The following SCN11A variants were observed in gnomAD, a reference collection of about 807,000 sequenced individuals.
SCN11A encodes sodium voltage-gated channel alpha subunit 11.
SCN11A carries 122 observed loss-of-function variants against 162.2 expected under a neutral mutation model. The ratio of observed to expected loss-of-function variants is 0.75; its 90% CI spans 0.65 to 0.87. SCN11A has a LOEUF of 0.87. Ranked by LOEUF, SCN11A falls within the 40% of genes least tolerant of loss-of-function variation. The pLI, the probability that SCN11A is intolerant of heterozygous loss-of-function variation, is 0.00. For missense variants in SCN11A, 2,015 were observed against 2,181.6 expected, an observed-to-expected ratio of 0.92 and a Z score of 1.52; for synonymous variants, 758 against 751.5, an observed-to-expected ratio of 1.01 and a Z score of -0.14.
rs760141393 is a variant in SCN11A at position 38,900,044 on chromosome 3, C to A, written c.1872G>T (p.Met624Ile). Residue 624 changes from methionine to isoleucine, a missense_variant, in exon 17 of 30, where the codon ATG (methionine) becomes ATT (isoleucine). By Grantham distance (10) the Met-to-Ile change is conservative. Coordinates refer to ENST00000302328, the MANE Select transcript of SCN11A (RefSeq NM_001349253.2). ...LVFTSIFIAE[M>I]CLKIIALDPY... ...GATCGAGCGCAATGATTTTTAGGCA[C>A]ATTTCTGCTATAAAAATGCTAGTGA... 6 of 1,614,008 alleles carry A rather than the reference C, an allele frequency of 3.7e-6. No homozygotes were observed. The Admixed American group carries it at 6.7e-5, about 18-fold the overall frequency.
intron 19 of SCN11A, among the ~76,000 whole-genome samples, chr3:38,890,377 G>A (rs1031629884): frequency 6.6e-6 from 1 of 152,236 alleles, no homozygotes; most frequent in African/African-American, 2.4e-5. Flanking sequence ...GGAAGTATAA[G>A]TCTAAGAGTG....
intron 18 of SCN11A, among the ~76,000 whole-genome samples, chr3:38,896,540 C>T (rs916331531): frequency 1.3e-5 from 2 of 152,100 alleles, no homozygotes; most frequent in African/African-American, 4.8e-5. Context: ...ATCCTATTGA[C>T]CAAATTAACT....
intron 3 of SCN11A, among the ~76,000 whole-genome samples, chr3:38,959,039 C>T (rs993412824): frequency 6.6e-6 from 1 of 152,100 alleles, no homozygotes; most frequent in Non-Finnish European, 1.5e-5. Context: ...TTTATCCTAA[C>T]CAGTAAGGGA....
chr3:39,030,742 A>C (rs1356356193), intron 2 of SCN11A, among the ~76,000 whole-genome samples: 2 of 152,148 alleles, frequency 1.3e-5, no homozygotes, highest in Non-Finnish European at 2.9e-5. Context: ...ACACACACAA[A>C]GCACATTTGT....
Position 38,908,136 on chromosome 3 carries a change from A to T in SCN11A, c.1300-14T>A. On this transcript the variant is annotated splice_polypyrimidine_tract_variant and intron_variant, in intron 13 of 29. Coordinates refer to ENST00000302328, the MANE Select transcript of SCN11A (RefSeq NM_001349253.2). ...GGCAACCAGAGCCTTCAAATTGAAC[A>T]AAAGCAATTAAAGAACAGATTACAC... The T allele has an allele frequency of 6.2e-7, 1 of 1,605,474 alleles. No homozygotes were observed. The highest frequency in any genetic ancestry group is 1.1e-5 in the South Asian group (1 of 88,906).
intron 2 of SCN11A, among the ~76,000 whole-genome samples, chr3:39,009,636 T>C (rs1023840942): frequency 1.4e-5 from 2 of 145,344 alleles, no homozygotes; most frequent in East Asian, 2.0e-4. Context: ...GCATACTAGA[T>C]GGCTCAGCTG....
intron 28 of SCN11A, among the ~76,000 whole-genome samples, chr3:38,862,366 G>C (rs1246003678): frequency 1.3e-5 from 2 of 152,120 alleles, no homozygotes; most frequent in African/African-American, 4.8e-5. Context: ...ACTACTATTG[G>C]ATTCAGCAAT....
chr3:38,847,232 T>C lies in SCN11A; in HGVS notation c.4838A>G (p.Glu1613Gly). The change falls in exon 30 of 30, where the codon GAA (glutamate) becomes GGA (glycine). Residue 1613 changes from glutamate (E) to glycine (G), a missense_variant. Coordinates refer to ENST00000302328, the MANE Select transcript of SCN11A (RefSeq NM_001349253.2). Reference protein sequence around the residue: ...ILENFNTATEESEDPLGEDDF... With the variant: ...ILENFNTATEGSEDPLGEDDF... ...ATCTTCACCCAAAGGGTCCTCACTT[T>C]CTTCAGTGGCTGTATTGAAGTTCTC... 1 of 1,614,092 alleles carries C rather than the reference T, an allele frequency of 6.2e-7. No individual in the cohort carries two copies. The highest frequency in any genetic ancestry group is 8.5e-7 in the Non-Finnish European group (1 of 1,179,958).
At chr3:39,006,576 G>GA (rs778434308) in intron 2 of SCN11A, among the ~76,000 whole-genome samples, 109 of 145,318 alleles carry the variant, frequency 7.5e-4, no homozygotes, top group East Asian at 5.4e-3. Flanking sequence ...CTGAAAGAAG[G>GA]AAAAAAAAAA....
intron 2 of SCN11A, among the ~76,000 whole-genome samples, chr3:39,030,666 C>A (rs1005480016): frequency 2.6e-5 from 4 of 152,160 alleles, no homozygotes; most frequent in Non-Finnish European, 5.9e-5. Flanking sequence ...ATCCAGCGCA[C>A]GTTTTTAGAC....
intron 16 of SCN11A, among the ~76,000 whole-genome samples, chr3:38,903,443 C>T (rs2065736072): frequency 6.6e-6 from 1 of 152,166 alleles, no homozygotes. Context: ...AGCTGACAGG[C>T]CCTGATTCAT....
At chr3:38,868,003 T>C (rs536616088) in intron 26 of SCN11A, among the ~76,000 whole-genome samples, 1 of 152,312 alleles carries the variant, frequency 6.6e-6, no homozygotes, top group East Asian at 1.9e-4. Flanking sequence ...ACACATGGAA[T>C]AAATATCTAA....
At position 38,886,744 on chromosome 3, in the gene SCN11A, TC is replaced by T. The variant is rs202000178; in HGVS notation, c.2836-507del. Reference sequence around the variant, plus strand: ...GCTATCATGTGGGGTACAGAGAGTTTCCTTAGCAAAACAGGAAACTAAAAGA... The same window carrying T: ...GCTATCATGTGGGGTACAGAGAGTTTCTTAGCAAAACAGGAAACTAAAAGA... On this transcript the variant is annotated intron_variant, in intron 19 of 29. Coordinates refer to ENST00000302328, the MANE Select transcript of SCN11A (RefSeq NM_001349253.2). Among the ~76,000 whole-genome samples the T allele has an allele frequency of 6.4e-3, 974 of 151,942 alleles. 14 individuals are homozygous for T. Among genetic ancestry groups the T allele is most frequent in the African/African-American group, 0.023 (947 of 41,302 alleles).
Position 38,910,167 on chromosome 3 carries a change from T to C in SCN11A, c.1000A>G (p.Asn334Asp). 6.2e-7 allele frequency: 1 copy of C among 1,613,584 alleles called. No individual in the cohort carries two copies. The highest frequency in any genetic ancestry group is 8.5e-7 in the Non-Finnish European group (1 of 1,179,620). The part of the protein sequence containing the change: ...IQYECKHTKI[N>D]PDYNYTNFDN... ...AAATTCGTATAATTATAGTCAGGAT[T>C]AATTTTGGTGTGCTTACATTCATAT... Residue 334 changes from asparagine (N) to aspartate (D), a missense_variant, in exon 12 of 30, where the codon AAT becomes GAT. Asn to Asp is a conservative substitution (Grantham distance 23). Coordinates refer to ENST00000302328, the MANE Select transcript of SCN11A (RefSeq NM_001349253.2).
chr3:38,856,298 C>G (rs541628422), intron 28 of SCN11A, among the ~76,000 whole-genome samples: 6 of 152,336 alleles, frequency 3.9e-5, no homozygotes, highest in Admixed American at 3.3e-4. Context: ...GACAGCCTGT[C>G]TGGAACAATC....
chr3:38,987,301 TCTCACA>T (rs1192598953), intron 2 of SCN11A, among the ~76,000 whole-genome samples: 2,892 of 113,324 alleles, frequency 0.026, 74 homozygotes, highest in African/African-American at 0.097. Flanking sequence ...TCTCTCTCTC[TCTCACA>T]CACACACACA....
At chr3:38,971,194 G>A (rs1415461528) in intron 2 of SCN11A, among the ~76,000 whole-genome samples, 1 of 150,580 alleles carries the variant, frequency 6.6e-6, no homozygotes, top group Non-Finnish European at 1.5e-5. Context: ...TCTGTCTGCC[G>A]CCCAGGTTGG....
In SCN11A at chr3:38,930,557, A is replaced by AT. The variant is rs565724086; in HGVS notation, c.489-3627dup. On this transcript the variant is annotated intron_variant, in intron 7 of 29. Transcript: ENST00000302328. The stretch of plus-strand genomic sequence containing the variant: ...AAATCTGCAATTGCAGATTTGTGGG[A>AT]TTTTTCAAGTCTTCATACAGATCTT... Among the ~76,000 whole-genome samples, 570 of 152,210 alleles carry AT rather than the reference A, an allele frequency of 3.7e-3. 1 individual carries two copies. The highest frequency in any genetic ancestry group is 4.7e-3 in the Non-Finnish European group (320 of 67,990).
At chr3:38,879,604 A>G (rs1047195794) in intron 23 of SCN11A, among the ~76,000 whole-genome samples, 3 of 152,200 alleles carry the variant, frequency 2.0e-5, no homozygotes, top group African/African-American at 4.8e-5. Context: ...AGTCTTGAAA[A>G]GAAATAGAAA....
Sources: allele counts gnomAD v4.1 joint callset (sites outside exome capture counted in the v4.1 genomes callset), GRCh38; gene constraint gnomAD v4.1.1; transcripts MANE v1.5; gene names NCBI Gene and HGNC (gene_info 2026-07-23, HGNC 2026-07-21).